Variants in STK32B observed in about 807,000 individuals in gnomAD.
STK32B encodes the protein serine/threonine-protein kinase 32B.
Under a neutral mutation model 52.6 loss-of-function variants are expected in STK32B, and 43 were observed. That is an observed-to-expected ratio of 0.82 (90% CI 0.64 to 1.05). STK32B has a LOEUF of 1.05. Ranked by LOEUF, STK32B falls within the 50% of genes least tolerant of loss-of-function variation. The pLI, the probability that STK32B is intolerant of heterozygous loss-of-function variation, is 0.00. For synonymous variants in STK32B, 238 were observed against 204.3 expected, an observed-to-expected ratio of 1.17 and a Z score of -1.41; for missense variants, 621 against 534.6, an observed-to-expected ratio of 1.16 and a Z score of -1.59.
chr4:5,059,643 G>A lies in STK32B; in HGVS notation c.52+7728G>A, dbSNP rs184848172. ...TTTTAATAAGAAGATGTTATAAACC[G>A]TACGCCAATACATTCGAAGTGGACA... On this transcript the variant is annotated intron_variant, in intron 1 of 11. Transcript: ENST00000282908. 3.9e-4 allele frequency among the ~76,000 whole-genome samples: 59 copies of A among 152,260 alleles called. No individual in the cohort carries two copies. The South Asian group carries it at 4.8e-3, about 12-fold the overall frequency.
At position 5,476,215 on chromosome 4, in the gene STK32B, A is replaced by T. The variant is rs565614510; in HGVS notation, c.1106+8145A>T. On this transcript the variant is annotated intron_variant, in intron 11 of 11. Transcript: ENST00000282908. ...GCACCCGGCCTCACAATCTTGATTT[A>T]TAAGTCTTAATGTCTGGAAAGAATA... Among the ~76,000 whole-genome samples, 16 of 152,156 alleles carry T rather than the reference A, an allele frequency of 1.1e-4. No individual in the cohort carries two copies. The South Asian group carries it at 3.3e-3, about 32-fold the overall frequency.
At chr4:5,100,530 C>T (rs1277869015) in intron 1 of STK32B, among the ~76,000 whole-genome samples, 1 of 135,694 alleles carries the variant, frequency 7.4e-6, no homozygotes, top group East Asian at 2.5e-4. Context: ...TTCTCTCTTT[C>T]CTTCCTTCCT....
intron 3 of STK32B, among the ~76,000 whole-genome samples, chr4:5,315,665 T>A (rs1730622884): frequency 8.0e-6 from 1 of 124,674 alleles, no homozygotes; most frequent in Non-Finnish European, 1.5e-5. Flanking sequence ...TCTTGAGTAT[T>A]TTTTCTTTTT....
chr4:5,326,160 G>A (rs903260971), intron 3 of STK32B, among the ~76,000 whole-genome samples: 32 of 152,168 alleles, frequency 2.1e-4, no homozygotes, highest in African/African-American at 7.5e-4. Flanking sequence ...CCCTTTGACA[G>A]TTTAGCTGTG....
chr4:5,396,971 G>A lies in STK32B; in HGVS notation c.435-1236G>A, dbSNP rs763530829. Among the ~76,000 whole-genome samples, 18 of 152,104 alleles carry A rather than the reference G, an allele frequency of 1.2e-4. No individual in the cohort carries two copies. Among genetic ancestry groups the A allele is most frequent in the Non-Finnish European group, 2.4e-4 (16 of 68,036 alleles). ...GAGGCTTTGTGACCTCGGCAGCAGGGGCCCACGTACTCAATGCTCCTCGGT... is the reference window on the plus strand; with the variant it reads ...GAGGCTTTGTGACCTCGGCAGCAGGAGCCCACGTACTCAATGCTCCTCGGT... On this transcript the variant is annotated intron_variant, in intron 4 of 11. Transcript: ENST00000282908. This position sits in a 1 kb window ranked among gnomAD's most constrained non-coding sequence, Gnocchi z 4.7.
At chr4:5,270,124 T>C (rs1727325902) in intron 3 of STK32B, among the ~76,000 whole-genome samples, 1 of 152,130 alleles carries the variant, frequency 6.6e-6, no homozygotes, top group African/African-American at 2.4e-5. Flanking sequence ...GTTTAGGGCA[T>C]TGTATTAGTC....
intron 4 of STK32B, among the ~76,000 whole-genome samples, chr4:5,374,608 G>C (rs1417744552): frequency 6.6e-6 from 1 of 152,202 alleles, no homozygotes; most frequent in Non-Finnish European, 1.5e-5. Context: ...AGATGCTTCT[G>C]TATGTCCTTA....
intron 2 of STK32B, among the ~76,000 whole-genome samples, chr4:5,142,194 C>T (rs914185325): frequency 6.6e-5 from 10 of 152,196 alleles, no homozygotes; most frequent in Admixed American, 1.3e-4. Context: ...GTGATCCCTA[C>T]TGACCAGAAA....
intron 1 of STK32B, among the ~76,000 whole-genome samples, chr4:5,065,769 G>T (rs565534407): frequency 6.6e-6 from 1 of 152,258 alleles, no homozygotes; most frequent in East Asian, 1.9e-4. Flanking sequence ...TGTTGCCCAG[G>T]CTGGAGAGCA....
At chr4:5,383,302 T>A (rs1019432307) in intron 4 of STK32B, among the ~76,000 whole-genome samples, 1 of 152,180 alleles carries the variant, frequency 6.6e-6, no homozygotes, top group Admixed American at 6.5e-5. Context: ...CGAGGCAAAC[T>A]GAACATGCCT....
At chr4:5,214,685 C>G (rs1020513840) in intron 3 of STK32B, among the ~76,000 whole-genome samples, 1 of 152,224 alleles carries the variant, frequency 6.6e-6, no homozygotes, top group African/African-American at 2.4e-5. Flanking sequence ...ATCTCATAAT[C>G]TAAGGACTAT....
chr4:5,446,170 C>T (rs890365971), intron 6 of STK32B, among the ~76,000 whole-genome samples: 6 of 152,252 alleles, frequency 3.9e-5, no homozygotes, highest in Non-Finnish European at 5.9e-5. Flanking sequence ...CACGCCAGTG[C>T]TTCCTGTGAT....
intron 1 of STK32B, among the ~76,000 whole-genome samples, chr4:5,071,552 T>A (rs912631833): frequency 6.6e-6 from 1 of 152,194 alleles, no homozygotes; most frequent in Non-Finnish European, 1.5e-5. Flanking sequence ...AAGCACACTT[T>A]CCAAACAAAA....
intron 4 of STK32B, among the ~76,000 whole-genome samples, chr4:5,367,294 C>G (rs977195321): frequency 2.0e-5 from 3 of 152,072 alleles, no homozygotes; most frequent in African/African-American, 7.2e-5. Flanking sequence ...TTTGATTTGT[C>G]AAACAGAAGA....
intron 3 of STK32B, among the ~76,000 whole-genome samples, chr4:5,297,583 A>G (rs538576330): frequency 4.7e-5 from 7 of 148,022 alleles, no homozygotes; most frequent in African/African-American, 1.5e-4. Context: ...ATACTTGTAT[A>G]TGCTTCACAA....
At chr4:5,358,413 A>G (rs1734316205) in intron 4 of STK32B, among the ~76,000 whole-genome samples, 1 of 152,322 alleles carries the variant, frequency 6.6e-6, no homozygotes, top group Non-Finnish European at 1.5e-5. Context: ...TGTCAGCACA[A>G]AGTGAGAACA....
At chr4:5,461,404 TC>T (rs1221860283) in intron 9 of STK32B, among the ~76,000 whole-genome samples, 1 of 152,160 alleles carries the variant, frequency 6.6e-6, no homozygotes, top group Non-Finnish European at 1.5e-5. Context: ...TTTAAAGACT[TC>T]CGTCACTCCT....
At chr4:5,257,004 T>G (rs57424136) in intron 3 of STK32B, among the ~76,000 whole-genome samples, 18,705 of 151,882 alleles carry the variant, frequency 0.12, 3,167 homozygotes, top group African/African-American at 0.38. Context: ...AATATGTGAG[T>G]GAGTGGATGA....
chr4:5,025,718 T>G, the STK32B span, among the ~76,000 whole-genome samples: 2 of 152,210 alleles, frequency 1.3e-5, no homozygotes, highest in Non-Finnish European at 2.9e-5. Flanking sequence ...AAGAAACGTC[T>G]TGCACTCAAA....
Sources: gnomAD v4.1 joint callset for allele counts (sites outside exome capture counted in the v4.1 genomes callset) on GRCh38, gnomAD v4.1.1 for gene constraint, Gnocchi (gnomAD v3.1) non-coding constraint, MANE v1.5 for transcripts, NCBI Gene and HGNC (gene_info 2026-07-23, HGNC 2026-07-21) for gene names.